Variants in KCNMB3 observed in about 807,000 individuals in gnomAD.
KCNMB3 encodes potassium calcium-activated channel subfamily M regulatory beta subunit 3, also known as calcium-activated potassium channel subunit beta-3.
A neutral mutation model predicts 11.9 loss-of-function variants in KCNMB3; 18 were observed. That is an observed-to-expected ratio of 1.51 (90% CI 1.04 to 2.23). KCNMB3 has a LOEUF of 2.23. Among genes scored for constraint, KCNMB3 ranks in the 30% most tolerant of loss-of-function variants. The pLI, the probability that KCNMB3 is intolerant of heterozygous loss-of-function variation, is 0.00. For synonymous variants in KCNMB3, 78 were observed against 119.2 expected (o/e 0.65, Z 2.25); for missense variants, 247 against 329.4 (o/e 0.75, Z 1.94).
chr3:179,254,787 C>A (rs992645228), upstream of KCNMB3, among the ~76,000 whole-genome samples: 3 of 151,912 alleles, frequency 2.0e-5, no homozygotes, highest in Admixed American at 2.0e-4. Flanking sequence ...AGCGACAGAG[C>A]AAGACTCGTC....
chr3:179,244,947 C>T (rs1446633481), intron 1 of KCNMB3, among the ~76,000 whole-genome samples: 2 of 152,334 alleles, frequency 1.3e-5, no homozygotes, highest in Admixed American at 6.5e-5. Flanking sequence ...ATATTTCTCA[C>T]TACACCAGTG....
intron 1 of KCNMB3, chr3:179,260,381 G>A (rs987868235): frequency 6.3e-5 from 102 of 1,613,828 alleles, no homozygotes; most frequent in African/African-American, 1.2e-4. Flanking sequence ...ATGGGGCAGT[G>A]TCTTCAGAGG....
upstream of KCNMB3, chr3:179,251,179 C>T: frequency 6.2e-7 from 1 of 1,608,982 alleles, no homozygotes; most frequent in Non-Finnish European, 8.5e-7. Context: ...AATGTTGCCT[C>T]ATGCAAGTCT....
chr3:179,259,368 C>T (rs983295296), intron 1 of KCNMB3: 1 of 1,571,108 alleles, frequency 6.4e-7, no homozygotes, highest in Non-Finnish European at 8.6e-7. Flanking sequence ...TAATTCTTCA[C>T]CACCAGCCCT....
At chr3:179,241,747 A>G (rs78069937), downstream of KCNMB3, 2 of 153,394 alleles carry the variant, frequency 1.3e-5, no homozygotes, top group African/African-American at 2.4e-5. Flanking sequence ...TAAAGTACAG[A>G]CAATTGTTGA....
At chr3:179,248,743 A>C (rs1442263662) in intron 1 of KCNMB3, among the ~76,000 whole-genome samples, 1 of 151,922 alleles carries the variant, frequency 6.6e-6, no homozygotes, top group Non-Finnish European at 1.5e-5. Context: ...AAAAAAAAAA[A>C]AACTTAACTA....
intron 2 of KCNMB3, 58 bp downstream of exon 2, chr3:179,244,437 A>G (rs1725565363): frequency 3.5e-6 from 5 of 1,419,070 alleles, no homozygotes; most frequent in Non-Finnish European, 5.0e-6. Flanking sequence ...GTACCCTGCT[A>G]GGGACAGTCT....
chr3:179,263,772 G>A (rs1174112990), intron 1 of KCNMB3, among the ~76,000 whole-genome samples: 2 of 112,738 alleles, frequency 1.8e-5, no homozygotes, highest in African/African-American at 3.4e-5. Context: ...TTTGTTTTTT[G>A]TTTCTGTTTT....
chr3:179,260,084 A>G, intron 1 of KCNMB3: 3 of 1,609,012 alleles, frequency 1.9e-6, no homozygotes, highest in Non-Finnish European at 2.6e-6. Context: ...TACATCTGTC[A>G]TCATGATAAA....
intron 1 of KCNMB3, among the ~76,000 whole-genome samples, chr3:179,249,278 G>T (rs1194394150): frequency 6.7e-6 from 1 of 150,058 alleles, no homozygotes; most frequent in Admixed American, 6.6e-5. Context: ...CTCCCAAAGT[G>T]CTGGGATTAC....
chr3:179,251,445 G>C (rs755698975), upstream of KCNMB3: 3 of 1,419,926 alleles, frequency 2.1e-6, no homozygotes, highest in Non-Finnish European at 2.7e-6. Context: ...CCACTGCCCA[G>C]TCCACTCAGA....
chr3:179,259,715 C>CTTCTTT, intron 1 of KCNMB3: 1 of 1,591,504 alleles, frequency 6.3e-7, no homozygotes, highest in East Asian at 2.2e-5. Context: ...ATTTTTTCCT[C>CTTCTTT]TTCTTTTTCT....
At chr3:179,254,544 C>T (rs1307000904), upstream of KCNMB3, among the ~76,000 whole-genome samples, 1 of 152,192 alleles carries the variant, frequency 6.6e-6, no homozygotes, top group African/African-American at 2.4e-5. Context: ...GGCGCAATGG[C>T]TCACGCCTGT....
Position 179,244,607 on chromosome 3 carries a change from T to C in KCNMB3, c.335A>G (p.His112Arg), listed in dbSNP as rs535626227. ...WLDCAFTCGVHCHGQGKYPCL... is the reference protein window; with the variant it reads ...WLDCAFTCGVRCHGQGKYPCL... ...CGGGTACTTCCCCTGACCGTGGCAG[T>C]GCACACCACAGGTGAAGGCACAGTC... Residue 112 changes from histidine (H) to arginine (R), a missense_variant, in exon 2 of 3, where the codon CAC (histidine) becomes CGC (arginine). Physicochemically the swap from His to Arg is conservative, Grantham distance 29. Around this residue, in one of 2 missense-constraint regions of KCNMB3, gnomAD observed 160 missense variants for 157.5 expected, o/e 1.02. Coordinates refer to ENST00000392685, the MANE Select transcript of KCNMB3 (RefSeq NM_171830.2). The C allele has an allele frequency of 6.2e-7, 1 of 1,614,104 alleles. No homozygotes were observed. Among genetic ancestry groups the C allele is most frequent in the East Asian group, 2.2e-5 (1 of 44,888 alleles).
intron 1 of KCNMB3, among the ~76,000 whole-genome samples, chr3:179,247,752 C>T (rs773089098): frequency 7.9e-5 from 12 of 152,182 alleles, no homozygotes; most frequent in Non-Finnish European, 1.3e-4. Flanking sequence ...AACAGTGGCA[C>T]TGTGTGCTAT....
chr3:179,263,357 C>A (rs891809090), intron 1 of KCNMB3, among the ~76,000 whole-genome samples: 1 of 152,248 alleles, frequency 6.6e-6, no homozygotes, highest in Non-Finnish European at 1.5e-5. Flanking sequence ...CCGCAAGCTC[C>A]GCGCACAGCC....
At chr3:179,259,124 C>G (rs773420676) in intron 1 of KCNMB3, 3 of 1,581,680 alleles carry the variant, frequency 1.9e-6, no homozygotes, top group South Asian at 1.2e-5. Flanking sequence ...CTGGTGCCAA[C>G]AAGTCATGGT....
exon 1 of KCNMB3, chr3:179,266,653 C>T (rs1054485199): frequency 1.2e-6 from 2 of 1,614,132 alleles, no homozygotes; most frequent in Non-Finnish European, 1.7e-6. Context: ...ACTTACCTCC[C>T]CTGGCGCCTC....
chr3:179,261,155 A>C, intron 1 of KCNMB3: 1 of 1,331,162 alleles, frequency 7.5e-7, no homozygotes, highest in Non-Finnish European at 1.0e-6. Flanking sequence ...CTTCATGGGG[A>C]TCTCACGAGC....
Sources: allele counts gnomAD v4.1 joint callset (sites outside exome capture counted in the v4.1 genomes callset), GRCh38; gene constraint gnomAD v4.1.1; regional missense constraint gnomAD v4.1.1; transcripts MANE v1.5; gene names NCBI Gene and HGNC (gene_info 2026-07-23, HGNC 2026-07-21).